ATF2: variants seen among roughly 807,000 people sequenced by gnomAD.
ATF2 encodes activating transcription factor 2.
A neutral mutation model predicts 60.6 loss-of-function variants in ATF2; 24 were observed. The ratio of observed to expected loss-of-function variants is 0.40; its 90% CI spans 0.29 to 0.56. ATF2 has a LOEUF of 0.56. ATF2 is among the 20% of genes least tolerant of loss of function. ATF2 has a pLI of 0.54. For synonymous variants in ATF2, 206 were observed against 215.4 expected, an observed-to-expected ratio of 0.96 and a Z score of 0.38; for missense variants, 433 against 607.7, an observed-to-expected ratio of 0.71 and a Z score of 3.02.
At position 175,074,600 on chromosome 2, in the gene ATF2, G is replaced by A; in HGVS notation, c.*9C>T. On this transcript the variant is annotated 3_prime_UTR_variant, in exon 14 of 14. Transcript: ENST00000264110. Reference sequence around the variant, plus strand: ...GAGTATCTAAAACTGTTGTACTGCAGGTTTTTAATCAACTTCCTGAGGGCT... The same window carrying A: ...GAGTATCTAAAACTGTTGTACTGCAAGTTTTTAATCAACTTCCTGAGGGCT... 6.2e-7 allele frequency: 1 copy of A among 1,607,586 alleles called. No homozygotes were observed. Among genetic ancestry groups the A allele is most frequent in the Non-Finnish European group, 8.5e-7 (1 of 1,176,682 alleles).
intron 7 of ATF2, 82 bp downstream of exon 7, chr2:175,117,908 T>C: frequency 7.1e-7 from 1 of 1,400,364 alleles, no homozygotes; most frequent in East Asian, 2.4e-5. Flanking sequence ...TTTAATACAT[T>C]AACATTTTAT....
intron 12 of ATF2, among the ~76,000 whole-genome samples, chr2:175,083,929 A>G (rs10082889): frequency 1.3e-5 from 2 of 152,226 alleles, no homozygotes; most frequent in African/African-American, 2.4e-5. Flanking sequence ...AATGCAAATC[A>G]AAACCACAAT....
rs372528750 is a variant in ATF2 at position 175,097,522 on chromosome 2, G to A, written c.900C>T (p.Ser300=). 10 of 1,614,092 alleles carry A rather than the reference G, an allele frequency of 6.2e-6. No individual in the cohort carries two copies. The highest frequency in any genetic ancestry group is 2.7e-5 in the African/African-American group (2 of 75,032). The part of the protein sequence containing the change: ...TNGDTVKGHG[S]GLVRTQSEES... ...CCTCTGACTGAGTCCTAACCAATCC[G>A]CTACCATGACCTTTGACAGTATCAC... is the stretch of plus-strand genomic sequence containing the variant. Residue 300 remains serine (S), a synonymous_variant, in exon 11 of 14, where the codon AGC becomes AGT. Transcript: ENST00000264110.
At chr2:175,155,944 ATC>A (rs1699648795) in intron 1 of ATF2, among the ~76,000 whole-genome samples, 1 of 152,366 alleles carries the variant, frequency 6.6e-6, no homozygotes, top group East Asian at 1.9e-4. Context: ...TAGAGAATTT[ATC>A]AAGTTTCTTT....
intron 3 of ATF2, among the ~76,000 whole-genome samples, chr2:175,134,199 A>T (rs1697958084): frequency 1.3e-5 from 2 of 152,182 alleles, no homozygotes; most frequent in South Asian, 4.1e-4. Flanking sequence ...ACAACTATTC[A>T]CACAGCATAT....
chr2:175,136,809 T>C (rs1012939889), intron 2 of ATF2, among the ~76,000 whole-genome samples: 36 of 152,212 alleles, frequency 2.4e-4, no homozygotes, highest in Admixed American at 1.3e-4. Context: ...ATGAGAATGA[T>C]GCAACCTAGT....
In ATF2 at chr2:175,114,838, T is replaced by A. The variant is rs1213427555; in HGVS notation, c.478A>T (p.Thr160Ser). 6.2e-7 allele frequency: 1 copy of A among 1,613,808 alleles called. No individual in the cohort carries two copies. The highest frequency in any genetic ancestry group is 8.5e-7 in the Non-Finnish European group (1 of 1,179,840). ...EVPLAQTAQP[T>S]SAIVRPASLQ... Reference sequence around the variant, plus strand: ...GATGCTGGACGAACAATAGCTGATGTGGGCTGTGCAGTTTGTGCCAATGGT... The same window carrying A: ...GATGCTGGACGAACAATAGCTGATGAGGGCTGTGCAGTTTGTGCCAATGGT... Residue 160 changes from threonine to serine, a missense_variant, in exon 8 of 14, where the codon ACA (threonine) becomes TCA (serine). Transcript: ENST00000264110.
chr2:175,124,086 A>AAAG (rs60962173), intron 4 of ATF2, among the ~76,000 whole-genome samples: 1 of 151,746 alleles, frequency 6.6e-6, no homozygotes, highest in African/African-American at 2.4e-5. Context: ...CAGTCAAATT[A>AAAG]TATTCCAAGA....
At chr2:175,084,397 A>C in intron 12 of ATF2, among the ~76,000 whole-genome samples, 1 of 151,264 alleles carries the variant, frequency 6.6e-6, no homozygotes, top group Non-Finnish European at 1.5e-5. Flanking sequence ...GCAAGGACAA[A>C]AAAACCAAAC....
chr2:175,133,427 T>C (rs773734973), intron 3 of ATF2, among the ~76,000 whole-genome samples: 1 of 152,182 alleles, frequency 6.6e-6, no homozygotes, highest in Non-Finnish European at 1.5e-5. Context: ...TTCTAGAAAT[T>C]TTATATAGCA....
At chr2:175,098,304 T>C (rs898897779) in intron 10 of ATF2, among the ~76,000 whole-genome samples, 1 of 152,174 alleles carries the variant, frequency 6.6e-6, no homozygotes, top group Non-Finnish European at 1.5e-5. Flanking sequence ...TATGAAATAA[T>C]TTGCACAGAT....
chr2:175,150,067 T>G (rs918637460), intron 2 of ATF2, among the ~76,000 whole-genome samples: 1 of 152,236 alleles, frequency 6.6e-6, no homozygotes, highest in African/African-American at 2.4e-5. Context: ...CTTGATCATT[T>G]AAGTTAGTCA....
intron 3 of ATF2, among the ~76,000 whole-genome samples, chr2:175,131,469 C>A (rs1697722368): frequency 6.6e-6 from 1 of 152,120 alleles, no homozygotes; most frequent in African/African-American, 2.4e-5. Context: ...CTGCTGGTGC[C>A]AGTACTAGGC....
At chr2:175,163,274 T>A (rs559663862) in intron 1 of ATF2, among the ~76,000 whole-genome samples, 1 of 152,046 alleles carries the variant, frequency 6.6e-6, no homozygotes, top group Admixed American at 6.6e-5. Flanking sequence ...ATGACAAAGG[T>A]TTCGGTTCTG....
Position 175,083,050 on chromosome 2 carries a change from T to C in ATF2, c.1186-2285A>G, listed in dbSNP as rs1051710925. Among the ~76,000 whole-genome samples, 6 of 151,938 alleles carry C rather than the reference T, an allele frequency of 3.9e-5. No individual in the cohort carries two copies. The South Asian group carries it at 6.3e-4, about 16-fold the overall frequency. On this transcript the variant is annotated intron_variant, in intron 12 of 13. Transcript: ENST00000264110. ...TGCTCATGGGTAGGAAGAATCAATATTGTGAAAATGGCCATACTGCCCAAG... is the reference window on the plus strand; with the variant it reads ...TGCTCATGGGTAGGAAGAATCAATACTGTGAAAATGGCCATACTGCCCAAG...
intron 2 of ATF2, among the ~76,000 whole-genome samples, chr2:175,139,308 T>C (rs1045303049): frequency 2.0e-5 from 3 of 152,222 alleles, no homozygotes; most frequent in Admixed American, 6.5e-5. Flanking sequence ...GGTAAGTCCA[T>C]ATTTACTTCA....
intron 12 of ATF2, among the ~76,000 whole-genome samples, chr2:175,087,572 C>T (rs903089029): frequency 2.6e-5 from 4 of 152,162 alleles, no homozygotes; most frequent in African/African-American, 9.6e-5. Context: ...CAGGTATTCC[C>T]TAAATTTATG....
At chr2:175,126,304 G>A (rs1002857144) in intron 4 of ATF2, among the ~76,000 whole-genome samples, 1 of 152,090 alleles carries the variant, frequency 6.6e-6, no homozygotes, top group African/African-American at 2.4e-5. Context: ...AAACACCAGA[G>A]GTGCCCTAAA....
intron 7 of ATF2, among the ~76,000 whole-genome samples, chr2:175,115,241 C>G (rs887924046): frequency 9.9e-5 from 15 of 152,044 alleles, no homozygotes; most frequent in African/African-American, 3.6e-4. Flanking sequence ...TTTAGTCCCC[C>G]TCCCTCATTA....
Sources: allele counts gnomAD v4.1 joint callset (sites outside exome capture counted in the v4.1 genomes callset), GRCh38; gene constraint gnomAD v4.1.1; transcripts MANE v1.5; gene names NCBI Gene and HGNC (gene_info 2026-07-23, HGNC 2026-07-21).